Variants in KIF19 observed in about 807,000 individuals in gnomAD.
The protein encoded by KIF19 is kinesin family member 19.
A neutral mutation model predicts 106.6 loss-of-function variants in KIF19; 98 were observed. That is an observed-to-expected ratio of 0.92 (90% CI 0.78 to 1.09). KIF19 has a LOEUF of 1.09. KIF19 is among the 50% of genes least tolerant of loss of function. The pLI, the probability that KIF19 is intolerant of heterozygous loss-of-function variation, is 0.00. For synonymous variants in KIF19, 516 were observed against 584.2 expected, an observed-to-expected ratio of 0.88 and a Z score of 1.68; for missense variants, 1,373 against 1,414.3, an observed-to-expected ratio of 0.97 and a Z score of 0.47.
rs762308119 is a variant in KIF19, at chr17:74,343,109, C to T, written c.405C>T (p.Ile135=). 6.2e-6 allele frequency: 10 copies of T among 1,613,302 alleles called. No homozygotes were observed. The highest frequency in any genetic ancestry group is 1.7e-4 in the Middle Eastern group (1 of 6,058). The change falls in exon 5 of 20, where the codon ATC becomes ATT. Residue 135 remains isoleucine (I), a synonymous_variant. Transcript: ENST00000389916. ...CCCTCAACGACCTCTTCCGTGCCATCGAGGAGACCAGCAATGACATGGAGT... is the reference window on the plus strand; with the variant it reads ...CCCTCAACGACCTCTTCCGTGCCATTGAGGAGACCAGCAATGACATGGAGT... The part of the protein sequence containing the change: ...VQTLNDLFRA[I]EETSNDMEYE...
At chr17:74,347,954 C>A (rs1028289370) in intron 9 of KIF19, 55 bp downstream of exon 9, 2 of 1,536,972 alleles carry the variant, frequency 1.3e-6, no homozygotes, top group South Asian at 1.2e-5. Context: ...GAGATTCAAG[C>A]CCCCGGGCTG....
chr17:74,348,924 G>A (rs1225341059), intron 9 of KIF19: 1 of 519,896 alleles, frequency 1.9e-6, no homozygotes, highest in Non-Finnish European at 3.4e-6. Flanking sequence ...TGAGCCCAGA[G>A]AAAATCAGAG....
rs2054455688 is a variant in KIF19, at chr17:74,343,965, AGG to A, written c.457-255_457-254del. 3.3e-5 allele frequency among the ~76,000 whole-genome samples: 5 copies of A among 152,172 alleles called. No homozygotes were observed. In the South Asian group the frequency reaches 8.3e-4, roughly 25 times the overall value. On this transcript the variant is annotated intron_variant, in intron 5 of 19. Coordinates refer to ENST00000389916, the MANE Select transcript of KIF19 (RefSeq NM_153209.4). ...TGCCCGGTGCCCAGCCTGTCTGGAAAGGGGTGCTCCTTGGTTTCAAAGCCTCC... is the reference window on the plus strand; with the variant it reads ...TGCCCGGTGCCCAGCCTGTCTGGAAAGGTGCTCCTTGGTTTCAAAGCCTCC...
rs772761715 is a variant in KIF19 at position 74,343,102 on chromosome 17, G to A, written c.398G>A (p.Arg133His). ...GTTCAGACCCTCAACGACCTCTTCC[G>A]TGCCATCGAGGAGACCAGCAATGAC... ...IYVQTLNDLF[R>H]AIEETSNDME... Residue 133 changes from arginine to histidine, a missense_variant, in exon 5 of 20, where the codon CGT (arginine) becomes CAT (histidine). Physicochemically the swap from Arg to His is conservative, Grantham distance 29. This residue lies in a region of KIF19 where 348 missense variants were observed against 389.5 expected (regional missense o/e 0.89). Coordinates refer to ENST00000389916, the MANE Select transcript of KIF19 (RefSeq NM_153209.4). 1.1e-5 allele frequency: 17 copies of A among 1,613,034 alleles called. No homozygotes were observed. Among genetic ancestry groups the A allele is most frequent in the African/African-American group, 9.3e-5 (7 of 74,876 alleles).
Position 74,331,115 on chromosome 17 carries a change from C to A in KIF19, c.120+2610C>A, listed in dbSNP as rs773939684. On this transcript the variant is annotated intron_variant, in intron 2 of 19. Transcript: ENST00000389916. The surrounding 1 kb of genome is among the most constrained non-coding windows in gnomAD (Gnocchi z 4.1). ...GGAAGCAAAATGCACATGGACCCCC[C>A]CTTACCCTTGTCCCCGACCTGACCA... Among the ~76,000 whole-genome samples, 1 of 152,140 alleles carries A rather than the reference C, an allele frequency of 6.6e-6. No individual in the cohort carries two copies. The highest frequency in any genetic ancestry group is 6.5e-5 in the Admixed American group (1 of 15,280).
chr17:74,342,839 C>T, intron 4 of KIF19, 122 bp downstream of exon 4: 2 of 1,187,768 alleles, frequency 1.7e-6, no homozygotes, highest in Non-Finnish European at 2.4e-6. Context: ...ACATCTCACC[C>T]AGGGCCCTCC....
Position 74,350,708 on chromosome 17 carries a change from T to A in KIF19, c.1390T>A (p.Trp464Arg), listed in dbSNP as rs2144287297. The change falls in exon 12 of 20, where the codon TGG (tryptophan) becomes AGG (arginine). Residue 464 changes from tryptophan to arginine, a missense_variant and splice_region_variant. Physicochemically the swap from Trp to Arg is moderately radical, Grantham distance 101 (BLOSUM62 -3). Around this residue, in one of 3 missense-constraint regions of KIF19, gnomAD observed 1,020 missense variants for 1,008.2 expected, o/e 1.01. Transcript: ENST00000389916. ...TSRHLLTIAGWKHEKSRRALK... is the reference protein window; with the variant it reads ...TSRHLLTIAGRKHEKSRRALK... ...TCTCTCTGGGTGGGGCTGCGGCAGC[T>A]GGAAGCATGAGAAGTCCCGCCGGGC... 6.2e-7 allele frequency: 1 copy of A among 1,613,538 alleles called. No individual in the cohort carries two copies. Among genetic ancestry groups the A allele is most frequent in the Admixed American group, 1.7e-5 (1 of 60,016 alleles).
At chr17:74,336,733 A>T (rs9910402) in intron 2 of KIF19, among the ~76,000 whole-genome samples, 3 of 152,226 alleles carry the variant, frequency 2.0e-5, no homozygotes, top group Non-Finnish European at 4.4e-5. Flanking sequence ...CCAGCTCTGC[A>T]CTTTGCAGTG....
Position 74,342,697 on chromosome 17 carries a change from T to G in KIF19, c.299T>G (p.Val100Gly). 1 of 1,613,560 alleles carries G rather than the reference T, an allele frequency of 6.2e-7. No homozygotes were observed. The change falls in exon 4 of 20, where the codon GTC (valine) becomes GGC (glycine). Residue 100 changes from valine (V) to glycine (G), a missense_variant. Around this residue, in one of 3 missense-constraint regions of KIF19, gnomAD observed 348 missense variants for 389.5 expected, o/e 0.89. Coordinates refer to ENST00000389916, the MANE Select transcript of KIF19 (RefSeq NM_153209.4). The stretch of plus-strand genomic sequence containing the variant: ...GTCATCTCAGGCTACAATGCCACTG[T>G]CTTTGCCTATGGCCCCACAGGTAAG... ...EGVISGYNAT[V>G]FAYGPTGCGK...
chr17:74,338,914 G>A (rs1177242015), intron 2 of KIF19, among the ~76,000 whole-genome samples: 2 of 151,854 alleles, frequency 1.3e-5, no homozygotes, highest in Non-Finnish European at 2.9e-5. Flanking sequence ...CTCATGCCTT[G>A]TCTGTTCCCA....
intron 2 of KIF19, chr17:74,329,441 C>T (rs2054010489): frequency 7.0e-6 from 1 of 143,532 alleles, no homozygotes; most frequent in Admixed American, 7.1e-5. Flanking sequence ...GAGTGGGACT[C>T]TGTCTCAAAA....
At chr17:74,351,150 C>T in intron 12 of KIF19, 1 of 544,556 alleles carries the variant, frequency 1.8e-6, no homozygotes, top group Non-Finnish European at 3.3e-6. Context: ...ATGCCTGGCA[C>T]ATACCAAGGA....
chr17:74,352,308 A>G lies in KIF19; in HGVS notation c.1948A>G (p.Ile650Val). 6.2e-7 allele frequency: 1 copy of G among 1,611,472 alleles called. No individual in the cohort carries two copies. Among genetic ancestry groups the G allele is most frequent in the Non-Finnish European group, 8.5e-7 (1 of 1,179,272 alleles). Residue 650 changes from isoleucine to valine, a missense_variant, in exon 14 of 20, where the codon ATC becomes GTC. By Grantham distance (29) the Ile-to-Val change is conservative (BLOSUM62 3). Transcript: ENST00000389916. ...GGAGGGCAGCCTGGAGCAGGCCACC[A>G]TCATGGACCAAGTGGCCTCCAGGGC... ...LEEGSLEQAT[I>V]MDQVASRALQ...
rs772965578 is a variant in KIF19, at chr17:74,328,541, A to G, written c.120+36A>G. ...CTCTGCAGCAGGAGCTGCAGGGCAG[A>G]GGTCTGCTCAGATGGCTCAGCTCAC... On this transcript the variant is annotated intron_variant, in intron 2 of 19. Coordinates refer to ENST00000389916, the MANE Select transcript of KIF19 (RefSeq NM_153209.4). The G allele has an allele frequency of 5.2e-6, 8 of 1,550,480 alleles. No homozygotes were observed. In the African/African-American group the frequency reaches 9.5e-5, roughly 18 times the overall value.
intron 2 of KIF19, among the ~76,000 whole-genome samples, chr17:74,339,562 C>A (rs2054304551): frequency 6.6e-6 from 1 of 151,026 alleles, no homozygotes; most frequent in African/African-American, 2.4e-5. Flanking sequence ...TTCCCTACCT[C>A]CCTCGCCCCC....
At position 74,340,158 on chromosome 17, in the gene KIF19, C is replaced by T. The variant is rs188108117; in HGVS notation, c.121-1718C>T. Reference sequence around the variant, plus strand: ...AGGCTCAAGCAGGTTATACCAGGCCCGACCACCAATAAGAGGTCACAGGGC... The same window carrying T: ...AGGCTCAAGCAGGTTATACCAGGCCTGACCACCAATAAGAGGTCACAGGGC... On this transcript the variant is annotated intron_variant, in intron 2 of 19. Transcript: ENST00000389916. 5.7e-3 allele frequency among the ~76,000 whole-genome samples: 865 copies of T among 152,236 alleles called. 7 individuals carry two copies. The highest frequency in any genetic ancestry group is 0.041 in the Middle Eastern group (12 of 294).
chr17:74,355,526 G>A lies in KIF19; in HGVS notation c.*214G>A. 3.4e-6 allele frequency: 2 copies of A among 584,822 alleles called. No homozygotes were observed. The highest frequency in any genetic ancestry group is 7.1e-5 in the South Asian group (2 of 28,140). The allele number at this position is 584,822 out of a possible 1,614,324, so 36.2% of individuals were successfully genotyped here. On this transcript the variant is annotated 3_prime_UTR_variant, in exon 20 of 20. Transcript: ENST00000389916. ...AAAAGAGGTGAGGCCAGGGGACATG[G>A]CCAGGACGGCTGGGCTCCCTGGCTT...
intron 2 of KIF19, among the ~76,000 whole-genome samples, chr17:74,330,659 T>C (rs901501314): frequency 2.0e-5 from 3 of 152,234 alleles, no homozygotes; most frequent in Non-Finnish European, 2.9e-5. Context: ...GGACAGCCCA[T>C]TGTGTGCCCA....
intron 1 of KIF19, among the ~76,000 whole-genome samples, chr17:74,327,437 G>C (rs955338679): frequency 6.6e-6 from 1 of 152,212 alleles, no homozygotes; most frequent in Admixed American, 6.5e-5. Context: ...AAGGTGACCC[G>C]TCAGGTAGTG....
Sources: gnomAD v4.1 joint callset for allele counts (sites outside exome capture counted in the v4.1 genomes callset) on GRCh38, gnomAD v4.1.1 for gene constraint, gnomAD v4.1.1 regional missense constraint, Gnocchi (gnomAD v3.1) non-coding constraint, MANE v1.5 for transcripts, NCBI Gene and HGNC (gene_info 2026-07-23, HGNC 2026-07-21) for gene names.